Variants in STXBP5L observed in about 807,000 individuals in gnomAD.
STXBP5L encodes the protein syntaxin-binding protein 5-like.
A neutral mutation model predicts 144.5 loss-of-function variants in STXBP5L; 65 were observed. The observed-to-expected ratio is 0.45, with a 90% CI of 0.37 to 0.55. The LOEUF is 0.55. STXBP5L is among the 20% of genes least tolerant of loss of function. STXBP5L has a pLI of 0.00. For missense variants in STXBP5L, 1,298 were observed against 1,405.5 expected, an observed-to-expected ratio of 0.92 and a Z score of 1.22; for synonymous variants, 505 against 469.6, an observed-to-expected ratio of 1.08 and a Z score of -0.97.
intron 20 of STXBP5L, among the ~76,000 whole-genome samples, chr3:121,321,960 G>A (rs1206576852): frequency 6.6e-6 from 1 of 152,144 alleles, no homozygotes; most frequent in African/African-American, 2.4e-5. Context: ...CCCCGGCAGT[G>A]AGCATAGTAC....
intron 7 of STXBP5L, among the ~76,000 whole-genome samples, chr3:121,141,942 C>T (rs369865512): frequency 5.3e-5 from 8 of 151,664 alleles, no homozygotes; most frequent in African/African-American, 1.2e-4. Context: ...TCTCCCCAAT[C>T]GAAAGATACA....
intron 5 of STXBP5L, among the ~76,000 whole-genome samples, chr3:121,090,160 A>G (rs1415102881): frequency 1.3e-5 from 2 of 152,114 alleles, no homozygotes; most frequent in African/African-American, 4.8e-5. Flanking sequence ...AGGCATTGTT[A>G]TGAGGTTTCA....
chr3:120,960,243 A>T (rs545203099), intron 3 of STXBP5L, among the ~76,000 whole-genome samples: 45 of 152,318 alleles, frequency 3.0e-4, no homozygotes, highest in African/African-American at 1.1e-3. Flanking sequence ...GGCAATCATT[A>T]AAAAGTCAGG....
intron 19 of STXBP5L, among the ~76,000 whole-genome samples, chr3:121,281,757 A>G (rs571111743): frequency 6.6e-6 from 1 of 152,158 alleles, no homozygotes; most frequent in South Asian, 2.1e-4. Flanking sequence ...CTGTGAAGTT[A>G]TAAACTCAGT....
intron 3 of STXBP5L, among the ~76,000 whole-genome samples, chr3:121,009,287 G>A (rs571428471): frequency 2.0e-5 from 3 of 151,934 alleles, no homozygotes; most frequent in Non-Finnish European, 4.4e-5. Context: ...CACTCCCCTA[G>A]ATTCATTCAC....
At chr3:120,966,492 G>A (rs1939591766) in intron 3 of STXBP5L, among the ~76,000 whole-genome samples, 1 of 151,930 alleles carries the variant, frequency 6.6e-6, no homozygotes, top group African/African-American at 2.4e-5. Context: ...TGTTGATGTT[G>A]ATGCTATTCC....
chr3:121,165,987 T>A (rs988768711), intron 9 of STXBP5L, among the ~76,000 whole-genome samples: 4 of 127,774 alleles, frequency 3.1e-5, no homozygotes, highest in Admixed American at 1.6e-4. Context: ...TTCTCAAATG[T>A]ATTTTAGACA....
intron 5 of STXBP5L, among the ~76,000 whole-genome samples, chr3:121,098,522 A>T (rs532503914): frequency 6.6e-6 from 1 of 152,304 alleles, no homozygotes; most frequent in East Asian, 1.9e-4. Context: ...AGGCAGAGAG[A>T]TCTGCCTCCA....
At chr3:121,003,734 G>T (rs530536739) in intron 3 of STXBP5L, among the ~76,000 whole-genome samples, 52 of 152,248 alleles carry the variant, frequency 3.4e-4, no homozygotes, top group Non-Finnish European at 6.8e-4. Context: ...TTTGTATAAG[G>T]TGTAAGGAAG....
At chr3:121,032,515 G>A (rs1181860423) in intron 3 of STXBP5L, among the ~76,000 whole-genome samples, 3 of 151,374 alleles carry the variant, frequency 2.0e-5, no homozygotes, top group Non-Finnish European at 4.4e-5. Context: ...GCACGGGCAA[G>A]GACTTCATGT....
chr3:121,128,833 G>C (rs1444466398), intron 7 of STXBP5L, among the ~76,000 whole-genome samples: 1 of 151,958 alleles, frequency 6.6e-6, no homozygotes, highest in African/African-American at 2.4e-5. Flanking sequence ...TATCTCATCA[G>C]GTTTTCAAAT....
At chr3:121,401,619 T>A (rs1026497647) in intron 22 of STXBP5L, among the ~76,000 whole-genome samples, 2 of 130,576 alleles carry the variant, frequency 1.5e-5, no homozygotes, top group Non-Finnish European at 1.6e-5. Flanking sequence ...TTGGAAACCA[T>A]CATTCTCAGT....
chr3:120,988,546 C>A (rs1202574509), intron 3 of STXBP5L, among the ~76,000 whole-genome samples: 2 of 151,948 alleles, frequency 1.3e-5, no homozygotes, highest in Non-Finnish European at 2.9e-5. Flanking sequence ...CTTGGGAATA[C>A]TCTGTGAACT....
At chr3:120,968,624 G>A (rs1939873166) in intron 3 of STXBP5L, among the ~76,000 whole-genome samples, 1 of 152,070 alleles carries the variant, frequency 6.6e-6, no homozygotes, top group Admixed American at 6.6e-5. Context: ...TGGTTACATA[G>A]ATAAGTTTTT....
At chr3:121,294,242 A>C (rs747496088) in intron 19 of STXBP5L, among the ~76,000 whole-genome samples, 1 of 152,222 alleles carries the variant, frequency 6.6e-6, no homozygotes, top group Admixed American at 6.5e-5. Context: ...AGAAAAAAGG[A>C]TAGATTCGGA....
intron 21 of STXBP5L, among the ~76,000 whole-genome samples, chr3:121,380,077 G>A (rs951758402): frequency 1.3e-5 from 2 of 151,990 alleles, no homozygotes; most frequent in African/African-American, 4.8e-5. Context: ...CAAGCACTGG[G>A]GTTACAGACA....
chr3:121,280,463 A>T (rs796305123), intron 19 of STXBP5L, among the ~76,000 whole-genome samples: 1 of 151,946 alleles, frequency 6.6e-6, no homozygotes, highest in Non-Finnish European at 1.5e-5. Flanking sequence ...CAATTCAATA[A>T]ACATTTTTCA....
intron 7 of STXBP5L, among the ~76,000 whole-genome samples, chr3:121,131,424 A>G (rs1050014095): frequency 6.6e-6 from 1 of 152,212 alleles, no homozygotes; most frequent in African/African-American, 2.4e-5. Flanking sequence ...ATGGAATTTT[A>G]TGAATTTTTC....
rs778813739 is a variant in STXBP5L at position 121,418,451 on chromosome 3, G to A, written c.3341G>A (p.Arg1114His). ...GGAGGGGTGATGGGAGAGCTGACCC[G>A]TGCACGGATTGCACTTGATGAAAGA... ...AAGGVMGELT[R>H]ARIALDERGQ... Residue 1114 changes from arginine to histidine, a missense_variant, in exon 26 of 27, where the codon CGT becomes CAT. Coordinates refer to ENST00000471454, the MANE Select transcript of STXBP5L (RefSeq NM_001308330.2). 22 of 1,613,934 alleles carry A rather than the reference G, an allele frequency of 1.4e-5. No homozygotes were observed. Among genetic ancestry groups the A allele is most frequent in the African/African-American group, 5.3e-5 (4 of 74,934 alleles).
Sources: allele counts gnomAD v4.1 joint callset (sites outside exome capture counted in the v4.1 genomes callset), GRCh38; gene constraint gnomAD v4.1.1; transcripts MANE v1.5; gene names NCBI Gene and HGNC (gene_info 2026-07-23, HGNC 2026-07-21).